RLN3: variants seen among roughly 807,000 people sequenced by gnomAD.
The protein encoded by RLN3 is relaxin-3.
A neutral mutation model predicts 10.2 loss-of-function variants in RLN3; 13 were observed. The observed-to-expected ratio is 1.28, with a 90% CI of 0.83 to 2.03. The LOEUF is 2.03. Ranked by LOEUF, RLN3 falls within the 30% of genes most tolerant of loss-of-function variation. The pLI is 0.00. For synonymous variants in RLN3, 56 were observed against 79.2 expected, an observed-to-expected ratio of 0.71 and a Z score of 1.56; for missense variants, 191 against 187.2, an observed-to-expected ratio of 1.02 and a Z score of -0.12.
At chr19:14,030,460 G>A (rs1975782408) in intron 1 of RLN3, 8 of 671,788 alleles carry the variant, frequency 1.2e-5, no homozygotes, top group Non-Finnish European at 1.9e-5. Flanking sequence ...AGGAGTTTGC[G>A]ACCAGCCTGA....
At chr19:14,030,603 A>G (rs980268435) in intron 1 of RLN3, 107 bp from the exon 2 acceptor site, 3 of 998,998 alleles carry the variant, frequency 3.0e-6, no homozygotes, top group African/African-American at 1.6e-5. Flanking sequence ...ACTCTGAACT[A>G]TGTCTATGAC....
rs1277213568 is a variant in RLN3 at position 14,031,294 on chromosome 19, CCACA to C, written c.*349_*352del. The C allele has an allele frequency of 3.7e-6, 1 of 268,668 alleles. No individual in the cohort carries two copies. The highest frequency in any genetic ancestry group is 8.2e-5 in the East Asian group (1 of 12,214). 16.6% of individuals were successfully genotyped at this position (268,668 alleles called of 1,614,324 possible). A position where few individuals can be genotyped will look rare whatever the true frequency, so the allele number is the denominator to read the frequency against. ...TGGGTCCCTACTCTACCTAGGCTGG[CCACA>C]CAGAGACCCCTGCCCCCTTCCCAGT... On this transcript the variant is annotated 3_prime_UTR_variant, in exon 2 of 2. Transcript: ENST00000431365.
chr19:14,030,684 T>A, intron 1 of RLN3, 26 bp from the exon 2 acceptor site: 1 of 1,593,880 alleles, frequency 6.3e-7, no homozygotes, highest in Non-Finnish European at 8.6e-7. Flanking sequence ...TGAGCCCTGA[T>A]CACTAACTCT....
rs925883421 is a variant in RLN3, at chr19:14,031,194, C to A, written c.*246C>A. The A allele has an allele frequency of 3.9e-6, 2 of 506,722 alleles. No homozygotes were observed. The highest frequency in any genetic ancestry group is 7.0e-6 in the Non-Finnish European group (2 of 284,566). The allele number at this position is 506,722 out of a possible 1,614,324, so 31.4% of individuals were successfully genotyped here. A position where few individuals can be genotyped will look rare whatever the true frequency, so the allele number is the denominator to read the frequency against. ...GCCCCTGCCTGGTCAAGTGGGGACC[C>A]CCCCATCCTGACCCCTGACCTCTCC... On this transcript the variant is annotated 3_prime_UTR_variant, in exon 2 of 2. Transcript: ENST00000431365.
At chr19:14,029,535 TAG>T (rs1263580184) in intron 1 of RLN3, among the ~76,000 whole-genome samples, 2 of 151,600 alleles carry the variant, frequency 1.3e-5, no homozygotes, top group African/African-American at 4.8e-5. Context: ...TTATTTTTAG[TAG>T]AGACAGTTTC....
chr19:14,030,951 T>G lies in RLN3; in HGVS notation c.*3T>G. On this transcript the variant is annotated 3_prime_UTR_variant, in exon 2 of 2. Coordinates refer to ENST00000431365, the MANE Select transcript of RLN3 (RefSeq NM_080864.4). Reference sequence around the variant, plus strand: ...GTGAAATCAGTAGCCTTTGCTAGTTTGAGGGCTGGGCAGCCGTGGGCACCA... The same window carrying G: ...GTGAAATCAGTAGCCTTTGCTAGTTGGAGGGCTGGGCAGCCGTGGGCACCA... The G allele has an allele frequency of 6.5e-7, 1 of 1,549,098 alleles. No homozygotes were observed. Among genetic ancestry groups the G allele is most frequent in the South Asian group, 1.2e-5 (1 of 81,016 alleles).
At chr19:14,029,806 A>AATTATTATT (rs58482695) in intron 1 of RLN3, among the ~76,000 whole-genome samples, 12,266 of 142,176 alleles carry the variant, frequency 0.086, 1,003 homozygotes, top group African/African-American at 0.22. Flanking sequence ...GTGATCAATA[A>AATTATTATT]ATTATTATTA....
Position 14,031,032 on chromosome 19 carries a change from C to G in RLN3, c.*84C>G. On this transcript the variant is annotated 3_prime_UTR_variant, in exon 2 of 2. Coordinates refer to ENST00000431365, the MANE Select transcript of RLN3 (RefSeq NM_080864.4). ...AACTAGTGTCTGGCTGGGCACCTGT[C>G]TTTCGAGCCTCACACATTCATTCAT... 1.4e-5 allele frequency: 13 copies of G among 948,986 alleles called. No individual in the cohort carries two copies. Among genetic ancestry groups the G allele is most frequent in the Non-Finnish European group, 2.1e-5 (13 of 619,084 alleles). The allele number at this position is 948,986 out of a possible 1,614,324, so 58.8% of individuals were successfully genotyped here.
In RLN3 at chr19:14,031,022, G is replaced by A; in HGVS notation, c.*74G>A. On this transcript the variant is annotated 3_prime_UTR_variant, in exon 2 of 2. Coordinates refer to ENST00000431365, the MANE Select transcript of RLN3 (RefSeq NM_080864.4). ...CCATCCACTCAACTAGTGTCTGGCTGGGCACCTGTCTTTCGAGCCTCACAC... is the reference window on the plus strand; with the variant it reads ...CCATCCACTCAACTAGTGTCTGGCTAGGCACCTGTCTTTCGAGCCTCACAC... 4 of 1,059,680 alleles carry A rather than the reference G, an allele frequency of 3.8e-6. No homozygotes were observed. Among genetic ancestry groups the A allele is most frequent in the Non-Finnish European group, 5.6e-6 (4 of 719,040 alleles). 65.6% of individuals were successfully genotyped at this position (1,059,680 alleles called of 1,614,324 possible).
chr19:14,030,825 G>T lies in RLN3; in HGVS notation c.306G>T (p.Arg102Ser). 1 of 1,613,834 alleles carries T rather than the reference G, an allele frequency of 6.2e-7. No homozygotes were observed. Among genetic ancestry groups the T allele is most frequent in the Non-Finnish European group, 8.5e-7 (1 of 1,179,790 alleles). The part of the protein sequence containing the change: ...ALTKSPQAFY[R>S]GRPSWQGTPG... Reference sequence around the variant, plus strand: ...CCAAGTCACCCCAGGCCTTTTACAGGGGGCGACCCAGCTGGCAAGGAACCC... The same window carrying T: ...CCAAGTCACCCCAGGCCTTTTACAGTGGGCGACCCAGCTGGCAAGGAACCC... The change falls in exon 2 of 2, where the codon AGG becomes AGT. Residue 102 changes from arginine to serine, a missense_variant. Physicochemically the swap from Arg to Ser is moderately radical, Grantham distance 110. Coordinates refer to ENST00000431365, the MANE Select transcript of RLN3 (RefSeq NM_080864.4).
At chr19:14,030,355 GAGTA>G in intron 1 of RLN3, 1 of 699,534 alleles carries the variant, frequency 1.4e-6, no homozygotes. Flanking sequence ...AATTAATAAA[GAGTA>G]AGGAGAAATA....
chr19:14,030,723 G>A lies in RLN3; in HGVS notation c.204G>A (p.Pro68=), dbSNP rs137951743. 227 of 1,614,144 alleles carry A rather than the reference G, an allele frequency of 1.4e-4. No individual in the cohort carries two copies. The highest frequency in any genetic ancestry group is 3.6e-4 in the East Asian group (16 of 44,888). ...CATCTTTTGCAGGAGATACCTTCCCGGATGCAGATGCTGATGAAGACAGTC... is the reference window on the plus strand; with the variant it reads ...CATCTTTTGCAGGAGATACCTTCCCAGATGCAGATGCTGATGAAGACAGTC... ...LAHEAMGDTF[P]DADADEDSLA... is the part of the protein sequence containing the mutation. Residue 68 remains proline (P), a synonymous_variant, in exon 2 of 2, where the codon CCG becomes CCA. Coordinates refer to ENST00000431365, the MANE Select transcript of RLN3 (RefSeq NM_080864.4).
At chr19:14,030,195 C>T (rs1975776762) in intron 1 of RLN3, 1 of 676,276 alleles carries the variant, frequency 1.5e-6, no homozygotes, top group Non-Finnish European at 2.7e-6. Context: ...AATATTAACT[C>T]CTTATAAAAC....
Position 14,028,435 on chromosome 19 carries a change from G to A in RLN3, c.190+41G>A, listed in dbSNP as rs1354221336. 6 of 1,554,938 alleles carry A rather than the reference G, an allele frequency of 3.9e-6. No individual in the cohort carries two copies. In the South Asian group the frequency reaches 5.9e-5, roughly 15 times the overall value. On this transcript the variant is annotated intron_variant, in intron 1 of 1. Transcript: ENST00000431365. ...GAGTGGATGTAGAAGGGGAACAGGTGGCTGGATGGGTCCCAGGAGCTAAGG... is the reference window on the plus strand; with the variant it reads ...GAGTGGATGTAGAAGGGGAACAGGTAGCTGGATGGGTCCCAGGAGCTAAGG...
At chr19:14,030,687 C>G in intron 1 of RLN3, 23 bp from the exon 2 acceptor site, 1 of 1,600,910 alleles carries the variant, frequency 6.2e-7, no homozygotes, top group Non-Finnish European at 8.6e-7. Context: ...GCCCTGATCA[C>G]TAACTCTGTT....
Position 14,028,295 on chromosome 19 carries a change from G to C in RLN3, c.91G>C (p.Gly31Arg). 6.2e-7 allele frequency: 1 copy of C among 1,613,942 alleles called. No homozygotes were observed. The highest frequency in any genetic ancestry group is 1.1e-5 in the South Asian group (1 of 91,070). The change falls in exon 1 of 2, where the codon GGG becomes CGG. Residue 31 changes from glycine to arginine, a missense_variant. Gly to Arg is a moderately radical substitution (Grantham distance 125). Transcript: ENST00000431365. ...PGAEARAAPYGVRLCGREFIR... is the reference protein window; with the variant it reads ...PGAEARAAPYRVRLCGREFIR... ...AGCTGAGGCCCGGGCAGCGCCTTAC[G>C]GGGTCAGGCTTTGCGGCCGAGAATT...
At chr19:14,028,497 C>T (rs1975750838) in intron 1 of RLN3, 103 bp downstream of exon 1, 1 of 1,034,192 alleles carries the variant, frequency 9.7e-7, no homozygotes, top group Non-Finnish European at 1.4e-6. Context: ...GAGGAGGGTC[C>T]CTGTCCTGCC....
At chr19:14,029,261 A>G (rs1975761864) in intron 1 of RLN3, among the ~76,000 whole-genome samples, 1 of 152,084 alleles carries the variant, frequency 6.6e-6, no homozygotes, top group South Asian at 2.1e-4. Flanking sequence ...TGATGGTGAG[A>G]AGGAGGATAG....
In RLN3 at chr19:14,030,770, C is replaced by T; in HGVS notation, c.251C>T (p.Ala84Val). The change falls in exon 2 of 2, where the codon GCC becomes GTC. Residue 84 changes from alanine to valine, a missense_variant. Physicochemically the swap from Ala to Val is moderately conservative, Grantham distance 64. Coordinates refer to ENST00000431365, the MANE Select transcript of RLN3 (RefSeq NM_080864.4). ...EDSLAGELDE[A>V]MGSSEWLALT... ...AGTCTGGCAGGCGAGCTGGATGAGG[C>T]CATGGGGTCCAGCGAGTGGCTGGCC... 6.2e-7 allele frequency: 1 copy of T among 1,614,230 alleles called. No individual in the cohort carries two copies. The highest frequency in any genetic ancestry group is 8.5e-7 in the Non-Finnish European group (1 of 1,180,048).
Sources: gnomAD v4.1 joint callset for allele counts (sites outside exome capture counted in the v4.1 genomes callset) on GRCh38, gnomAD v4.1.1 for gene constraint, MANE v1.5 for transcripts, NCBI Gene and HGNC (gene_info 2026-07-23, HGNC 2026-07-21) for gene names.